CCPG1: variants seen among roughly 807,000 people sequenced by gnomAD.
CCPG1 encodes the protein cell cycle progression 1.
Under a neutral mutation model 81.3 loss-of-function variants are expected in CCPG1, and 46 were observed. That is an observed-to-expected ratio of 0.57 (90% CI 0.45 to 0.72). The LOEUF (loss-of-function observed/expected upper bound fraction) is 0.72, where lower values mean the gene tolerates loss of function less well. CCPG1 is among the 30% of genes least tolerant of loss of function. The pLI, the probability that CCPG1 is intolerant of heterozygous loss-of-function variation, is 0.00. For synonymous variants in CCPG1, 330 were observed against 305.2 expected, an observed-to-expected ratio of 1.08 and a Z score of -0.85; for missense variants, 902 against 937.6, an observed-to-expected ratio of 0.96 and a Z score of 0.50.
chr15:55,406,094 A>C (rs1202647220), intron 1 of CCPG1, among the ~76,000 whole-genome samples: 1 of 152,146 alleles, frequency 6.6e-6, no homozygotes, highest in Non-Finnish European at 1.5e-5. Context: ...TGAAGTCCTG[A>C]CCTCAAGTGA....
intron 3 of CCPG1, 85 bp from the exon 4 acceptor site, chr15:55,378,461 G>T (rs1265343775): frequency 9.7e-6 from 7 of 722,688 alleles, no homozygotes; most frequent in Non-Finnish European, 1.6e-5. Flanking sequence ...AATCTGGGTA[G>T]ATAAAAATCT....
chr15:55,361,833 T>C (rs982040934), intron 7 of CCPG1, among the ~76,000 whole-genome samples: 1 of 152,206 alleles, frequency 6.6e-6, no homozygotes, highest in Non-Finnish European at 1.5e-5. Context: ...ATTTGAAACA[T>C]TTTAGTCCTA....
intron 1 of CCPG1, among the ~76,000 whole-genome samples, chr15:55,402,318 C>G (rs1348102906): frequency 6.6e-6 from 1 of 152,180 alleles, no homozygotes; most frequent in Non-Finnish European, 1.5e-5. Flanking sequence ...ACCTCAAACT[C>G]CTTGGCTCAA....
At chr15:55,384,639 G>A (rs1273762115) in intron 3 of CCPG1, among the ~76,000 whole-genome samples, 1 of 151,880 alleles carries the variant, frequency 6.6e-6, no homozygotes, top group Non-Finnish European at 1.5e-5. Flanking sequence ...TGGGAAACAA[G>A]AGCGAAACTC....
chr15:55,377,604 T>C (rs1206671931), intron 4 of CCPG1, among the ~76,000 whole-genome samples: 1 of 152,244 alleles, frequency 6.6e-6, no homozygotes, highest in East Asian at 1.9e-4. Context: ...TACGCTGGAA[T>C]GTAATCGCCA....
intron 5 of CCPG1, chr15:55,372,690 T>C (rs2056477975): frequency 3.9e-6 from 1 of 254,658 alleles, no homozygotes; most frequent in Non-Finnish European, 7.7e-6. Context: ...CTATTACAGG[T>C]ATAAACAAGT....
chr15:55,373,606 A>C (rs1210813662), intron 5 of CCPG1, among the ~76,000 whole-genome samples: 2 of 152,138 alleles, frequency 1.3e-5, no homozygotes, highest in Non-Finnish European at 2.9e-5. Context: ...ATTCTTGATC[A>C]CTAGTTTTTC....
At chr15:55,368,167 G>A (rs1375779492) in intron 6 of CCPG1, among the ~76,000 whole-genome samples, 1 of 152,108 alleles carries the variant, frequency 6.6e-6, no homozygotes, top group Non-Finnish European at 1.5e-5. Context: ...ATGGATTTTG[G>A]TATGGGGGTG....
At chr15:55,383,211 G>A (rs1308608978) in intron 3 of CCPG1, among the ~76,000 whole-genome samples, 1 of 152,172 alleles carries the variant, frequency 6.6e-6, no homozygotes. Context: ...GAGCCCTTCG[G>A]TGATTGACCA....
In CCPG1 at chr15:55,374,308, GA is replaced by G. The variant is rs1004783308; in HGVS notation, c.455-2265del. The G allele has an allele frequency of 9.0e-5, 77 of 853,280 alleles. No homozygotes were observed. The South Asian group carries it at 1.0e-3, about 11-fold the overall frequency. The allele number at this position is 853,280 out of a possible 1,614,324, so 52.9% of individuals were successfully genotyped here. A position where few individuals can be genotyped will look rare whatever the true frequency, so the allele number is the denominator to read the frequency against. ...AAAGCTATATTATAAAGACTAAAAA[GA>G]AAAAAAAGAATTAAAAATACTTAAT... On this transcript the variant is annotated intron_variant, in intron 5 of 8. Transcript: ENST00000442196.
intron 5 of CCPG1, chr15:55,372,526 T>C (rs1203040998): frequency 1.0e-5 from 2 of 199,832 alleles, no homozygotes; most frequent in African/African-American, 4.8e-5. Context: ...CCGGGCATGG[T>C]AGTGCACCTA....
intron 3 of CCPG1, among the ~76,000 whole-genome samples, chr15:55,379,653 G>A (rs375890315): frequency 6.6e-5 from 10 of 152,184 alleles, no homozygotes; most frequent in East Asian, 3.9e-4. Context: ...GCAACATAGC[G>A]AGACCAGTTC....
At chr15:55,359,383 A>T in intron 8 of CCPG1, 156 bp downstream of exon 8, 1 of 1,405,326 alleles carries the variant, frequency 7.1e-7, no homozygotes. Flanking sequence ...TAATTTTTAG[A>T]CTCCATCTTT....
chr15:55,359,666 C>CA lies in CCPG1; in HGVS notation c.2106dup (p.Asp703Ter), dbSNP rs1300700412. 4 of 1,613,270 alleles carry CA rather than the reference C, an allele frequency of 2.5e-6. No individual in the cohort carries two copies. Among genetic ancestry groups the CA allele is most frequent in the Non-Finnish European group, 3.4e-6 (4 of 1,179,848 alleles). On this transcript the variant is annotated frameshift_variant, in exon 8 of 9. Transcript: ENST00000442196. LOFTEE classifies it high-confidence loss of function. ...ATGTTTCTAAGATAATCTTTAACAT[C>CA]ATTAACAAAGTCAGTGAAGAGCTTC...
At chr15:55,397,223 CAAACA>C (rs1189135361) in intron 1 of CCPG1, among the ~76,000 whole-genome samples, 2 of 119,172 alleles carry the variant, frequency 1.7e-5, no homozygotes, top group African/African-American at 3.1e-5. Flanking sequence ...CAAAAAAAAA[CAAACA>C]AAAAAAAAAA....
Position 55,373,794 on chromosome 15 carries a change from C to T in CCPG1, c.455-1750G>A, listed in dbSNP as rs2056502831. 2.0e-5 allele frequency among the ~76,000 whole-genome samples: 3 copies of T among 152,140 alleles called. No homozygotes were observed. The South Asian group carries it at 6.2e-4, about 31-fold the overall frequency. On this transcript the variant is annotated intron_variant, in intron 5 of 8. Coordinates refer to ENST00000442196, the MANE Select transcript of CCPG1 (RefSeq NM_001204450.2). ...ATGTAAAAACAAACCATTTGTAAAA[C>T]TTATTTAAATAATTGTTCAATTCTA... is the stretch of plus-strand genomic sequence containing the variant.
chr15:55,361,231 A>C (rs2056187636), intron 7 of CCPG1, among the ~76,000 whole-genome samples: 1 of 151,122 alleles, frequency 6.6e-6, no homozygotes, highest in African/African-American at 2.4e-5. Flanking sequence ...GCAGTGGCGC[A>C]ATCTCGGCTC....
intron 7 of CCPG1, 60 bp from the exon 8 acceptor site, chr15:55,361,004 A>T: frequency 7.0e-7 from 1 of 1,423,736 alleles, no homozygotes; most frequent in Non-Finnish European, 9.2e-7. Flanking sequence ...GCTGAATTTA[A>T]ATCTTCAAGA....
chr15:55,391,894 G>GA (rs386383058), intron 1 of CCPG1, among the ~76,000 whole-genome samples: 3 of 114,396 alleles, frequency 2.6e-5, no homozygotes, highest in African/African-American at 8.3e-5. Context: ...AAAAGGGGGG[G>GA]GGGGGCTAGG....
Sources: gnomAD v4.1 joint callset for allele counts (sites outside exome capture counted in the v4.1 genomes callset) on GRCh38, gnomAD v4.1.1 for gene constraint, MANE v1.5 for transcripts, NCBI Gene and HGNC (gene_info 2026-07-23, HGNC 2026-07-21) for gene names.